Variants in CP observed in about 807,000 individuals in gnomAD.
The protein encoded by CP is ceruloplasmin.
CP carries 64 observed loss-of-function variants against 122.4 expected under a neutral mutation model. The observed-to-expected ratio is 0.52, with a 90% CI of 0.43 to 0.64. The LOEUF (loss-of-function observed/expected upper bound fraction) is 0.64, where lower values mean the gene tolerates loss of function less well. CP is among the 30% of genes least tolerant of loss of function. The pLI is 0.00. For synonymous variants in CP, 440 were observed against 436.4 expected (o/e 1.01, Z -0.10); for missense variants, 1,167 against 1,284.4 (o/e 0.91, Z 1.40).
At chr3:149,167,003 A>G in intron 4 of CP, 1 of 1,552,580 alleles carries the variant, frequency 6.4e-7, no homozygotes, top group African/African-American at 1.4e-5. Context: ...GAGGTGCCTC[A>G]TTTCATAACA....
At chr3:149,180,780 C>T (rs1176629738) in intron 14 of CP, among the ~76,000 whole-genome samples, 1 of 152,160 alleles carries the variant, frequency 6.6e-6, no homozygotes, top group Non-Finnish European at 1.5e-5. Context: ...TACTTATTCT[C>T]ATAAGCTGCA....
chr3:149,186,099 A>G (rs35236994), intron 11 of CP: 101 of 229,846 alleles, frequency 4.4e-4, no homozygotes, highest in African/African-American at 2.2e-3. Flanking sequence ...TTGCATGGCT[A>G]CAATGCTAGC....
Position 149,221,773 on chromosome 3 carries a change from C to T in CP, c.20G>A (p.Gly7Asp). The change falls in exon 1 of 19, where the codon GGT (glycine) becomes GAT (aspartate). Residue 7 changes from glycine to aspartate, a missense_variant. By Grantham distance (94) the Gly-to-Asp change is moderately conservative. Coordinates refer to ENST00000264613, the MANE Select transcript of CP (RefSeq NM_000096.4). MKILIL[G>D]IFLFLCSTPA... is the part of the protein sequence containing the mutation. The stretch of plus-strand genomic sequence containing the variant: ...GGTACTACATAAAAACAGAAAAATA[C>T]CAAGTATCAAAATCTTCATTTTTTT... 1 of 1,608,780 alleles carries T rather than the reference C, an allele frequency of 6.2e-7. No individual in the cohort carries two copies. Among genetic ancestry groups the T allele is most frequent in the Non-Finnish European group, 8.5e-7 (1 of 1,177,296 alleles).
intron 1 of CP, among the ~76,000 whole-genome samples, chr3:149,214,687 G>A (rs900472726): frequency 2.0e-5 from 3 of 152,158 alleles, no homozygotes; most frequent in Admixed American, 2.0e-4. Flanking sequence ...GGAAAAGATT[G>A]GGAGAGACTT....
chr3:149,207,711 A>C (rs1727843161), intron 4 of CP, 94 bp from the exon 5 acceptor site: 6 of 1,356,612 alleles, frequency 4.4e-6, no homozygotes, highest in Non-Finnish European at 6.3e-6. Context: ...TTGGAATGGC[A>C]AATATCTGGC....
chr3:149,203,660 G>A (rs575232840), intron 6 of CP, among the ~76,000 whole-genome samples: 2 of 152,334 alleles, frequency 1.3e-5, no homozygotes, highest in Admixed American at 1.3e-4. Context: ...ATTTCAGAAA[G>A]GTAATTATTT....
In CP at chr3:149,186,545, C is replaced by T. The variant is rs775884510; in HGVS notation, c.2052G>A (p.Thr684=). The T allele has an allele frequency of 1.1e-5, 18 of 1,614,030 alleles. 1 individual carries two copies. In the Admixed American group the frequency reaches 1.3e-4, roughly 12 times the overall value. The change falls in exon 11 of 19, where the codon ACG becomes ACA. Residue 684 remains threonine (T), a synonymous_variant. Coordinates refer to ENST00000264613, the MANE Select transcript of CP (RefSeq NM_000096.4). The part of the protein sequence containing the change: ...TANLFPQTSL[T]LHMWPDTEGT... ...CCTCTGTGTCAGGCCACATGTGGAG[C>T]GTAAGACTTGTTTGAGGGAAGAGGT...
At position 149,207,502 on chromosome 3, in the gene CP, A is replaced by G; in HGVS notation, c.897T>C (p.Phe299=). ...GNEVDVHAAF[F]HGQALTNKNY... is the part of the protein sequence containing the mutation. ...TCTTGTTAGTCAGTGCTTGCCCGTG[A>G]AAGAAAGCTGCGTGCACATCAACTT... The change falls in exon 5 of 19, where the codon TTT becomes TTC. Residue 299 remains phenylalanine (F), a synonymous_variant. Coordinates refer to ENST00000264613, the MANE Select transcript of CP (RefSeq NM_000096.4). 1 of 1,614,020 alleles carries G rather than the reference A, an allele frequency of 6.2e-7. No individual in the cohort carries two copies. The highest frequency in any genetic ancestry group is 8.5e-7 in the Non-Finnish European group (1 of 1,179,892).
chr3:149,174,041 T>C lies in CP; in HGVS notation c.3182-311A>G, dbSNP rs34296476. ...TAACCAGTAATAGAACTGATCAATA[T>C]CTTGTGCCTCCTGATATGGTGTACT... On this transcript the variant is annotated intron_variant, in intron 18 of 18. Coordinates refer to ENST00000264613, the MANE Select transcript of CP (RefSeq NM_000096.4). 0.021 allele frequency among the ~76,000 whole-genome samples: 3,131 copies of C among 152,260 alleles called. 51 individuals are homozygous for C. The highest frequency in any genetic ancestry group is 0.041 in the Middle Eastern group (12 of 294).
intron 4 of CP, among the ~76,000 whole-genome samples, chr3:149,167,445 A>G (rs910354795): frequency 9.2e-6 from 1 of 108,428 alleles, no homozygotes; most frequent in African/African-American, 2.6e-5. Context: ...GTATATTATC[A>G]TCATTAAACA....
At chr3:149,181,270 C>T (rs548756536) in intron 14 of CP, among the ~76,000 whole-genome samples, 4 of 152,310 alleles carry the variant, frequency 2.6e-5, no homozygotes, top group African/African-American at 7.2e-5. Context: ...CTGCTGCTCA[C>T]ACACACCAGG....
rs746839444 is a variant in CP at position 149,185,317 on chromosome 3, A to T, written c.2207T>A (p.Ile736Asn). The change falls in exon 12 of 19, where the codon ATC becomes AAC. Residue 736 changes from isoleucine (I) to asparagine (N), a missense_variant. Physicochemically the swap from Ile to Asn is moderately radical, Grantham distance 149. Transcript: ENST00000264613. ...ATCCCATTCCACCTCCACTGCTGCG[A>T]TATAGTATGTCCTCTCTCCCAGGTA... ...TFYLGERTYY[I>N]AAVEVEWDYS... is the part of the protein sequence containing the mutation. 9.9e-6 allele frequency: 16 copies of T among 1,613,912 alleles called. No individual in the cohort carries two copies. In the South Asian group the frequency reaches 1.6e-4, roughly 17 times the overall value.
downstream of CP, among the ~76,000 whole-genome samples, chr3:149,169,522 C>A (rs1724768543): frequency 6.6e-6 from 1 of 152,208 alleles, no homozygotes; most frequent in Admixed American, 6.5e-5. Flanking sequence ...ATTTTTCAAC[C>A]TTGGTAATTG....
chr3:149,169,067 T>A (rs1724721410), downstream of CP, among the ~76,000 whole-genome samples: 1 of 148,474 alleles, frequency 6.7e-6, no homozygotes, highest in Admixed American at 6.6e-5. Flanking sequence ...GTATGGCTAA[T>A]GAGACTAAGT....
At chr3:149,185,722 T>C (rs1452171518) in intron 11 of CP, among the ~76,000 whole-genome samples, 1 of 152,172 alleles carries the variant, frequency 6.6e-6, no homozygotes, top group Admixed American at 6.5e-5. Flanking sequence ...TCTCCTTAAG[T>C]AGCACCTCCT....
At position 149,179,580 on chromosome 3, in the gene CP, A is replaced by G; in HGVS notation, c.2637T>C (p.Tyr879=). The part of the protein sequence containing the change: ...TEDSACIPWA[Y]YSTVDQVKDL... ...CCTTAACTTGATCCACAGTTGAATAATAAGCCCATGGAATACAAGCAGAAT... is the reference window on the plus strand; with the variant it reads ...CCTTAACTTGATCCACAGTTGAATAGTAAGCCCATGGAATACAAGCAGAAT... The change falls in exon 15 of 19, where the codon TAT becomes TAC. Residue 879 remains tyrosine (Y), a synonymous_variant. Transcript: ENST00000264613. 6.2e-7 allele frequency: 1 copy of G among 1,613,742 alleles called. No homozygotes were observed. The highest frequency in any genetic ancestry group is 8.5e-7 in the Non-Finnish European group (1 of 1,179,736).
intron 17 of CP, 118 bp from the exon 18 acceptor site, chr3:149,176,530 C>G: frequency 2.3e-6 from 2 of 852,948 alleles, no homozygotes; most frequent in East Asian, 2.6e-5. Context: ...TTTAAAAAAT[C>G]GAGCTCGTTT....
intron 9 of CP, among the ~76,000 whole-genome samples, chr3:149,188,490 CAAA>C (rs60815739): frequency 0.016 from 731 of 46,102 alleles, 25 homozygotes; most frequent in African/African-American, 0.039. Context: ...TTGAAGCCTC[CAAA>C]AAAAAAAAAA....
At chr3:149,166,533 CAT>C in intron 4 of CP, among the ~76,000 whole-genome samples, 1 of 152,246 alleles carries the variant, frequency 6.6e-6, no homozygotes, top group Admixed American at 6.5e-5. Flanking sequence ...CTCATTTTAT[CAT>C]AAACTTTTTT....
Sources: gnomAD v4.1 joint callset for allele counts (sites outside exome capture counted in the v4.1 genomes callset) on GRCh38, gnomAD v4.1.1 for gene constraint, MANE v1.5 for transcripts, NCBI Gene and HGNC (gene_info 2026-07-23, HGNC 2026-07-21) for gene names.